Variants in LONP1 observed in about 807,000 individuals in gnomAD.
LONP1 encodes lon protease homolog, mitochondrial.
LONP1 carries 31 observed loss-of-function variants against 98.5 expected under a neutral mutation model. That is an observed-to-expected ratio of 0.31 (90% CI 0.24 to 0.42). LONP1 has a LOEUF of 0.42. Among genes scored for constraint, LONP1 ranks in the 20% least tolerant of loss-of-function variants. The pLI, the probability that LONP1 is intolerant of heterozygous loss-of-function variation, is 1.00. For missense variants in LONP1, 1,336 were observed against 1,350.6 expected, an observed-to-expected ratio of 0.99 and a Z score of 0.17; for synonymous variants, 781 against 594.7, an observed-to-expected ratio of 1.31 and a Z score of -4.56.
intron 3 of LONP1, 126 bp from the exon 4 acceptor site, chr19:5,712,128 T>C (rs1197263581): frequency 2.7e-6 from 2 of 743,598 alleles, no homozygotes; most frequent in Admixed American, 2.9e-5. Context: ...AGCCACAGGG[T>C]GGCTACAGGG....
chr19:5,694,652 T>C (rs534764999), intron 14 of LONP1, 100 bp from the exon 15 acceptor site: 1 of 1,550,498 alleles, frequency 6.4e-7, no homozygotes, highest in African/African-American at 1.4e-5. Flanking sequence ...CGCGGGGTGG[T>C]GGGGTGATGG....
chr19:5,718,574 C>T (rs2055362878), intron 1 of LONP1, among the ~76,000 whole-genome samples: 1 of 152,042 alleles, frequency 6.6e-6, no homozygotes, highest in Non-Finnish European at 1.5e-5. Context: ...CTTTCCCTTC[C>T]CAACAGATCC....
At chr19:5,713,350 C>A in intron 2 of LONP1, 97 bp from the exon 3 acceptor site, 1 of 1,446,658 alleles carries the variant, frequency 6.9e-7, no homozygotes, top group Non-Finnish European at 9.6e-7. Flanking sequence ...AAGAAACGCC[C>A]CTACCAAATG....
At chr19:5,699,595 T>C (rs951897398) in intron 9 of LONP1, among the ~76,000 whole-genome samples, 12 of 146,742 alleles carry the variant, frequency 8.2e-5, no homozygotes, top group African/African-American at 2.5e-4. Context: ...TCTTGCTCTG[T>C]GGCCCAGGCT....
chr19:5,697,671 G>A (rs1419098247), intron 10 of LONP1, among the ~76,000 whole-genome samples: 1 of 151,850 alleles, frequency 6.6e-6, no homozygotes, highest in African/African-American at 2.4e-5. Flanking sequence ...CGAGGAACGT[G>A]GGAGCCCTGG....
intron 8 of LONP1, among the ~76,000 whole-genome samples, chr19:5,704,201 T>C (rs1468288034): frequency 2.0e-5 from 3 of 152,082 alleles, no homozygotes; most frequent in Non-Finnish European, 4.4e-5. Flanking sequence ...AGCCGAGGGA[T>C]GCGGGCGCCT....
At chr19:5,717,872 G>C (rs2145637379) in intron 1 of LONP1, among the ~76,000 whole-genome samples, 1 of 150,644 alleles carries the variant, frequency 6.6e-6, no homozygotes, top group Middle Eastern at 3.5e-3. Flanking sequence ...ATGCCACTGT[G>C]CCCGGCTTTT....
In LONP1 at chr19:5,691,976, T is replaced by TCAGATCTGGCCCAGACAGGGCCTGACATC; in HGVS notation, c.*55_*56insGATGTCAGGCCCTGTCTGGGCCAGATCTG. The TCAGATCTGGCCCAGACAGGGCCTGACATC allele has an allele frequency of 1.3e-6, 2 of 1,536,484 alleles. No individual in the cohort carries two copies. The highest frequency in any genetic ancestry group is 1.2e-5 in the South Asian group (1 of 81,578). On this transcript the variant is annotated 3_prime_UTR_variant, in exon 18 of 18. Coordinates refer to ENST00000360614, the MANE Select transcript of LONP1 (RefSeq NM_004793.4). Reference sequence around the variant, plus strand: ...GGTCCGGGCGCGCTCCCCACAGCGCTCAGTTCTGGCCCAGACAGGGCCTGA... The same window carrying TCAGATCTGGCCCAGACAGGGCCTGACATC: ...GGTCCGGGCGCGCTCCCCACAGCGCTCAGATCTGGCCCAGACAGGGCCTGACATCCAGTTCTGGCCCAGACAGGGCCTGA...
Position 5,692,155 on chromosome 19 carries a change from G to A in LONP1, c.2757C>T (p.Asp919=), listed in dbSNP as rs144206526. 2.8e-4 allele frequency: 450 copies of A among 1,614,156 alleles called. 3 individuals are homozygous for A. In the African/African-American group the frequency reaches 5.3e-3, roughly 19 times the overall value. ...TGATGAAGGCTGCCAGGTCGTAGAAGTCCTTCTTGTTCTCGGCTGGCAGGA... is the reference window on the plus strand; with the variant it reads ...TGATGAAGGCTGCCAGGTCGTAGAAATCCTTCTTGTTCTCGGCTGGCAGGA... ...CIVLPAENKK[D]FYDLAAFITE... The change falls in exon 18 of 18, where the codon GAC becomes GAT. Residue 919 remains aspartate, a synonymous_variant. Coordinates refer to ENST00000360614, the MANE Select transcript of LONP1 (RefSeq NM_004793.4).
chr19:5,695,839 G>A (rs1276027346), intron 13 of LONP1, among the ~76,000 whole-genome samples: 4 of 152,168 alleles, frequency 2.6e-5, no homozygotes, highest in African/African-American at 9.7e-5. Flanking sequence ...GCGGTGTTTT[G>A]GACAGTCCCA....
chr19:5,705,778 T>TC lies in LONP1; in HGVS notation c.1360dup (p.Glu454GlyfsTer55). ...CCCCGGGCCTGGCACTCACTTGAAC[T>TC]CCGAGGAGTGGTTGTCCAGCAGGCC... On this transcript the variant is annotated frameshift_variant, in exon 8 of 18. Transcript: ENST00000360614. LOFTEE classifies it high-confidence loss of function. 1 of 1,613,870 alleles carries TC rather than the reference T, an allele frequency of 6.2e-7. No individual in the cohort carries two copies. The highest frequency in any genetic ancestry group is 1.3e-5 in the African/African-American group (1 of 75,062).
chr19:5,693,596 TGGC>T lies in LONP1; in HGVS notation c.2491_2493del (p.Ala831del), dbSNP rs779117740. 2.5e-6 allele frequency: 4 copies of T among 1,614,040 alleles called. No homozygotes were observed. Among genetic ancestry groups the T allele is most frequent in the Admixed American group, 1.7e-5 (1 of 60,016 alleles). On this transcript the variant is annotated inframe_deletion, in exon 16 of 18. Coordinates refer to ENST00000360614, the MANE Select transcript of LONP1 (RefSeq NM_004793.4). ...ATGTGTGAGGTCACCAGGTAGTCAT[TGGC>T]GGGGGCGTGCTGCATGAGGAAGGCT...
At position 5,696,186 on chromosome 19, in the gene LONP1, A is replaced by G; in HGVS notation, c.1897-16T>C. ...TGAACAGCACCTGGGGGCGGCGGCA[A>G]GGTGCTGGGGGACTGGCCGCTTACC... On this transcript the variant is annotated splice_polypyrimidine_tract_variant and intron_variant, in intron 12 of 17. Transcript: ENST00000360614. 1.2e-6 allele frequency: 2 copies of G among 1,612,770 alleles called. No homozygotes were observed.
Position 5,691,994 on chromosome 19 carries a change from G to GGGCCTGACATCCAGTTCTGGCCCAGACAA in LONP1, c.*37_*38insTTGTCTGGGCCAGAACTGGATGTCAGGCC. 1.3e-6 allele frequency: 2 copies of GGGCCTGACATCCAGTTCTGGCCCAGACAA among 1,591,408 alleles called. No homozygotes were observed. Among genetic ancestry groups the GGGCCTGACATCCAGTTCTGGCCCAGACAA allele is most frequent in the Admixed American group, 1.7e-5 (1 of 58,296 alleles). On this transcript the variant is annotated 3_prime_UTR_variant, in exon 18 of 18. Transcript: ENST00000360614. Reference sequence around the variant, plus strand: ...ACAGCGCTCAGTTCTGGCCCAGACAGGGCCTGACATCCGCCGCCTGCAGTC... The same window carrying GGGCCTGACATCCAGTTCTGGCCCAGACAA: ...ACAGCGCTCAGTTCTGGCCCAGACAGGGCCTGACATCCAGTTCTGGCCCAGACAAGGCCTGACATCCGCCGCCTGCAGTC...
At chr19:5,704,708 G>A in intron 8 of LONP1, among the ~76,000 whole-genome samples, 1 of 152,226 alleles carries the variant, frequency 6.6e-6, no homozygotes, top group Non-Finnish European at 1.5e-5. Flanking sequence ...CAAACCTGGG[G>A]CGGCCACCCT....
intron 3 of LONP1, chr19:5,712,485 G>A (rs138196809): frequency 7.8e-5 from 14 of 178,728 alleles, no homozygotes; most frequent in Non-Finnish European, 1.4e-4. Context: ...CGCTGTCTGC[G>A]TCTCCCCTCA....
At chr19:5,699,855 G>A (rs758894259) in intron 9 of LONP1, among the ~76,000 whole-genome samples, 69 of 152,106 alleles carry the variant, frequency 4.5e-4, no homozygotes, top group African/African-American at 1.6e-3. Context: ...ACCATGCCCA[G>A]GCTCTGACTC....
chr19:5,707,340 C>G (rs915016176), intron 6 of LONP1, among the ~76,000 whole-genome samples, 197 bp from the exon 7 acceptor site: 5 of 152,214 alleles, frequency 3.3e-5, no homozygotes, highest in Admixed American at 1.3e-4. Context: ...ACTTCACAGG[C>G]CCTCCAGCTG....
intron 10 of LONP1, among the ~76,000 whole-genome samples, chr19:5,697,549 T>C (rs1416578972): frequency 1.4e-5 from 1 of 69,440 alleles, no homozygotes; most frequent in Admixed American, 2.0e-4. Flanking sequence ...AGGGAGGAGA[T>C]GGAGAGGGAA....
Sources: allele counts gnomAD v4.1 joint callset (sites outside exome capture counted in the v4.1 genomes callset), GRCh38; gene constraint gnomAD v4.1.1; transcripts MANE v1.5; gene names NCBI Gene and HGNC (gene_info 2026-07-23, HGNC 2026-07-21).